Variants in TENM2 observed in about 807,000 individuals in gnomAD.
TENM2 encodes teneurin transmembrane protein 2.
Under a neutral mutation model 245.2 loss-of-function variants are expected in TENM2, and 52 were observed. The ratio of observed to expected loss-of-function variants is 0.21; its 90% CI spans 0.17 to 0.27. The LOEUF (loss-of-function observed/expected upper bound fraction) is 0.27. TENM2 is among the 10% of genes least tolerant of loss of function. The pLI is 1.00. For missense variants in TENM2, 3,046 were observed against 3,666.8 expected, an observed-to-expected ratio of 0.83 and a Z score of 4.37; for synonymous variants, 1,363 against 1,438.9, an observed-to-expected ratio of 0.95 and a Z score of 1.19.
At chr5:167,443,131 A>G (rs1764962831) in intron 2 of TENM2, among the ~76,000 whole-genome samples, 1 of 152,172 alleles carries the variant, frequency 6.6e-6, no homozygotes, top group South Asian at 2.1e-4. Flanking sequence ...TTATTCTGTG[A>G]AAGTCTTCCA....
chr5:167,621,279 T>C (rs1189225265), intron 2 of TENM2, among the ~76,000 whole-genome samples: 2 of 152,184 alleles, frequency 1.3e-5, no homozygotes, highest in Non-Finnish European at 2.9e-5. Flanking sequence ...AACAAGATAA[T>C]GTCTTTGCAG....
At chr5:166,983,263 C>T in the TENM2 span, among the ~76,000 whole-genome samples, 6 of 152,146 alleles carry the variant, frequency 3.9e-5, no homozygotes, top group African/African-American at 1.2e-4. Flanking sequence ...ATATTGTATA[C>T]TACAGTATGA....
intron 2 of TENM2, among the ~76,000 whole-genome samples, chr5:167,483,340 C>T (rs1439517875): frequency 1.3e-5 from 2 of 152,158 alleles, no homozygotes; most frequent in Non-Finnish European, 2.9e-5. Context: ...CTCCTTTTTA[C>T]TGGAGAAAAA....
At chr5:167,797,013 A>G (rs574843067) in intron 2 of TENM2, among the ~76,000 whole-genome samples, 1 of 151,644 alleles carries the variant, frequency 6.6e-6, no homozygotes, top group Admixed American at 6.6e-5. Flanking sequence ...ACATGGATCC[A>G]CTCTCCAGTT....
At chr5:167,685,506 G>A (rs1757015247) in intron 2 of TENM2, among the ~76,000 whole-genome samples, 1 of 152,104 alleles carries the variant, frequency 6.6e-6, no homozygotes, top group Middle Eastern at 3.4e-3. Context: ...CACATGCTGT[G>A]GGAGGAAATG....
At chr5:167,923,311 T>C (rs1777512131) in intron 3 of TENM2, among the ~76,000 whole-genome samples, 1 of 143,958 alleles carries the variant, frequency 6.9e-6, no homozygotes, top group South Asian at 2.1e-4. Flanking sequence ...AGTAAGACTC[T>C]GTCTCCAAAA....
rs77089826 is a variant in TENM2, at chr5:167,926,305, T to C, written c.713-26283T>C. 9.7e-3 allele frequency among the ~76,000 whole-genome samples: 1,473 copies of C among 152,250 alleles called. 27 individuals carry two copies. The highest frequency in any genetic ancestry group is 0.033 in the African/African-American group (1,389 of 41,546). On this transcript the variant is annotated intron_variant, in intron 3 of 28. Coordinates refer to ENST00000518659, the Ensembl canonical transcript of TENM2. Reference sequence around the variant, plus strand: ...CTCTCTGTTGTTTTGCATATATATATATAATTAAATACTCCTCAACTTGTC... The same window carrying C: ...CTCTCTGTTGTTTTGCATATATATACATAATTAAATACTCCTCAACTTGTC...
At chr5:167,571,403 C>T (rs1774257041) in intron 2 of TENM2, among the ~76,000 whole-genome samples, 1 of 152,162 alleles carries the variant, frequency 6.6e-6, no homozygotes, top group South Asian at 2.1e-4. Flanking sequence ...GTCATATAAG[C>T]ATATGAATGT....
At chr5:168,059,866 C>T (rs1789880866) in intron 6 of TENM2, among the ~76,000 whole-genome samples, 1 of 152,098 alleles carries the variant, frequency 6.6e-6, no homozygotes, top group African/African-American at 2.4e-5. Context: ...ATTCTAAGAG[C>T]TTTACACAGC....
At chr5:167,353,330 T>TGG (rs1581818301) in intron 1 of TENM2, among the ~76,000 whole-genome samples, 2 of 110,502 alleles carry the variant, frequency 1.8e-5, no homozygotes, top group Admixed American at 2.4e-4. Context: ...TGCAGGGGGG[T>TGG]GGTGGGGGTG....
At chr5:166,983,842 C>G in the TENM2 span, among the ~76,000 whole-genome samples, 1 of 152,046 alleles carries the variant, frequency 6.6e-6, no homozygotes, top group Non-Finnish European at 1.5e-5. Flanking sequence ...GTTTAGATGA[C>G]CTATGGAGAA....
At chr5:167,728,155 AC>A (rs1760158192) in intron 2 of TENM2, among the ~76,000 whole-genome samples, 1 of 151,932 alleles carries the variant, frequency 6.6e-6, no homozygotes, top group African/African-American at 2.4e-5. Context: ...CTTTTCCTCC[AC>A]CCCACTTCAT....
At chr5:167,679,438 A>G (rs1264264969) in intron 2 of TENM2, among the ~76,000 whole-genome samples, 2 of 152,188 alleles carry the variant, frequency 1.3e-5, no homozygotes, top group African/African-American at 2.4e-5. Flanking sequence ...AGTACTATAG[A>G]TGAACTTCTT....
intron 23 of TENM2, among the ~76,000 whole-genome samples, chr5:168,224,275 A>C (rs4976584): frequency 0.65 from 98,947 of 152,066 alleles, 34,200 homozygotes; most frequent in African/African-American, 0.89. Flanking sequence ...GCGCCACCCC[A>C]TGCCTGGGGC....
intron 2 of TENM2, among the ~76,000 whole-genome samples, chr5:167,756,414 G>T (rs1762315824): frequency 1.3e-5 from 2 of 152,110 alleles, no homozygotes; most frequent in South Asian, 4.2e-4. Flanking sequence ...GATGCTGTGG[G>T]TTTCTCCTCA....
At chr5:167,138,407 G>A in the TENM2 span, among the ~76,000 whole-genome samples, 2 of 152,150 alleles carry the variant, frequency 1.3e-5, no homozygotes, top group African/African-American at 4.8e-5. Flanking sequence ...TCATGGAAGT[G>A]ACAGGACACC....
chr5:168,225,946 G>A, intron 23 of TENM2, 142 bp from the exon 26 acceptor site: 1 of 646,968 alleles, frequency 1.5e-6, no homozygotes, highest in Non-Finnish European at 2.6e-6. Flanking sequence ...GGTTTTGACT[G>A]TGACGAGGGG....
At chr5:167,134,097 G>A in the TENM2 span, among the ~76,000 whole-genome samples, 1 of 152,074 alleles carries the variant, frequency 6.6e-6, no homozygotes, top group Non-Finnish European at 1.5e-5. Context: ...ATTTAACAAA[G>A]ATAACAGTGA....
At chr5:168,000,879 T>C (rs1009332000) in intron 5 of TENM2, among the ~76,000 whole-genome samples, 1 of 152,172 alleles carries the variant, frequency 6.6e-6, no homozygotes, top group Non-Finnish European at 1.5e-5. Flanking sequence ...TGGTGGTACC[T>C]GGCACACAAT....
Sources: gnomAD v4.1 joint callset for allele counts (sites outside exome capture counted in the v4.1 genomes callset) on GRCh38, gnomAD v4.1.1 for gene constraint, MANE v1.5 for transcripts, NCBI Gene and HGNC (gene_info 2026-07-23, HGNC 2026-07-21) for gene names.